SMG7: variants seen among roughly 807,000 people sequenced by gnomAD.
The protein encoded by SMG7 is nonsense-mediated mRNA decay factor SMG7.
Under a neutral mutation model 148.2 loss-of-function variants are expected in SMG7, and 34 were observed. The ratio of observed to expected loss-of-function variants is 0.23; its 90% CI spans 0.17 to 0.31. The LOEUF (loss-of-function observed/expected upper bound fraction) is 0.31. SMG7 is among the 10% of genes least tolerant of loss of function. The probability of loss-of-function intolerance (pLI) is 1.00; values close to 1 mark genes in which losing one functional copy is unlikely to be tolerated. For missense variants in SMG7, 1,114 were observed against 1,408.4 expected, an observed-to-expected ratio of 0.79 and a Z score of 3.35; for synonymous variants, 492 against 515.1, an observed-to-expected ratio of 0.96 and a Z score of 0.61.
At chr1:183,530,204 A>T (rs1666615993) in intron 8 of SMG7, among the ~76,000 whole-genome samples, 1 of 152,150 alleles carries the variant, frequency 6.6e-6, no homozygotes, top group Non-Finnish European at 1.5e-5. Flanking sequence ...TGACAATTTC[A>T]AAGAACATTT....
intron 8 of SMG7, among the ~76,000 whole-genome samples, chr1:183,532,773 T>C (rs1341278066): frequency 6.6e-6 from 1 of 152,220 alleles, no homozygotes; most frequent in Non-Finnish European, 1.5e-5. Context: ...TGTTGCTTTC[T>C]AGTCATTTGT....
chr1:183,545,075 G>A lies in SMG7; in HGVS notation c.2133G>A (p.Gly711=). The part of the protein sequence containing the change: ...HSPAGNQVQA[G]KQSHIPYSQQ... ...CAGCAGGAAACCAGGTGCAAGCTGG[G>A]AAACAGTCCCACATTCCTTACAGCC... The change falls in exon 16 of 23, where the codon GGG becomes GGA. Residue 711 remains glycine, a synonymous_variant. Coordinates refer to ENST00000688051, the MANE Select transcript of SMG7 (RefSeq NM_001375584.1). 6.2e-7 allele frequency: 1 copy of A among 1,614,060 alleles called. No homozygotes were observed. Among genetic ancestry groups the A allele is most frequent in the Non-Finnish European group, 8.5e-7 (1 of 1,179,992 alleles).
intron 1 of SMG7, among the ~76,000 whole-genome samples, chr1:183,483,352 A>G (rs997928069): frequency 1.3e-5 from 2 of 152,140 alleles, no homozygotes; most frequent in Non-Finnish European, 2.9e-5. Context: ...TTACTTTTGT[A>G]TCAGGTGATC....
chr1:183,551,821 A>C lies in SMG7; in HGVS notation c.3454A>C (p.Ile1152Leu), dbSNP rs779569969. 1.9e-6 allele frequency: 3 copies of C among 1,608,576 alleles called. No individual in the cohort carries two copies. Among genetic ancestry groups the C allele is most frequent in the South Asian group, 1.1e-5 (1 of 90,348 alleles). The change falls in exon 23 of 23, where the codon ATC (isoleucine) becomes CTC (leucine). Residue 1152 changes from isoleucine (I) to leucine (L), a missense_variant. Physicochemically the swap from Ile to Leu is conservative, Grantham distance 5. This residue lies in a region of SMG7 where 788 missense variants were observed against 894.5 expected (regional missense o/e 0.88). Transcript: ENST00000688051. ...CAAGATCTGGACTGTTTTTCAGTCT[A>C]TCTGGTCCAGTTCCATGATGCATCC... ...SAVLMESLKS[I>L]WSSSMMHPGP...
chr1:183,535,473 G>C (rs1465044618), intron 10 of SMG7, among the ~76,000 whole-genome samples: 1 of 152,120 alleles, frequency 6.6e-6, no homozygotes, highest in Non-Finnish European at 1.5e-5. Flanking sequence ...TCATTTTAAA[G>C]ACTAGCATGG....
In SMG7 at chr1:183,544,628, A is replaced by G. The variant is rs187438105; in HGVS notation, c.1987+131A>G. On this transcript the variant is annotated intron_variant, in intron 15 of 22. Transcript: ENST00000688051. ...AAAAGTTCTATTTTCCCTAATACTT[A>G]TAAAATTATTTTTGAACTGTTTGTG... The G allele has an allele frequency of 3.0e-5, 29 of 975,006 alleles. No homozygotes were observed. In the East Asian group the frequency reaches 4.6e-4, roughly 16 times the overall value. The allele number at this position is 975,006 out of a possible 1,614,324, so 60.4% of individuals were successfully genotyped here.
In SMG7 at chr1:183,551,563, C is replaced by T. The variant is rs528834155; in HGVS notation, c.3451-255C>T. ...TTATAGTAAATGCCCTGTGTGGTAC[C>T]ACATACAGCTGAGTTTCAGTAAAAA... On this transcript the variant is annotated intron_variant, in intron 22 of 22. Coordinates refer to ENST00000688051, the MANE Select transcript of SMG7 (RefSeq NM_001375584.1). Among the ~76,000 whole-genome samples, 15 of 152,222 alleles carry T rather than the reference C, an allele frequency of 9.9e-5. No homozygotes were observed. The East Asian group carries it at 2.9e-3, about 29-fold the overall frequency.
At chr1:183,540,330 C>A (rs1668591415) in intron 12 of SMG7, among the ~76,000 whole-genome samples, 1 of 151,860 alleles carries the variant, frequency 6.6e-6, no homozygotes, top group Admixed American at 6.6e-5. Context: ...CAGATTGAAT[C>A]ATAATTATTT....
chr1:183,531,186 A>G (rs1427597499), intron 8 of SMG7, among the ~76,000 whole-genome samples: 1 of 152,126 alleles, frequency 6.6e-6, no homozygotes, highest in Non-Finnish European at 1.5e-5. Flanking sequence ...GCATATGTAG[A>G]TAATTAGTAT....
In SMG7 at chr1:183,552,178, T is replaced by A; in HGVS notation, c.*247T>A. ...GAGGGAGAGAGAGAGGAACTGCTGT[T>A]TATCTCACTCAGTTACTTGGTATCA... On this transcript the variant is annotated 3_prime_UTR_variant, in exon 23 of 23. Coordinates refer to ENST00000688051, the MANE Select transcript of SMG7 (RefSeq NM_001375584.1). The A allele has an allele frequency of 8.7e-7, 1 of 1,153,380 alleles. No individual in the cohort carries two copies. Among genetic ancestry groups the A allele is most frequent in the Non-Finnish European group, 1.1e-6 (1 of 933,830 alleles). 71.4% of individuals were successfully genotyped at this position (1,153,380 alleles called of 1,614,324 possible). A position where few individuals can be genotyped will look rare whatever the true frequency, so the allele number is the denominator to read the frequency against.
At chr1:183,550,084 A>T (rs1670716136) in intron 20 of SMG7, 161 bp downstream of exon 20, 1 of 610,750 alleles carries the variant, frequency 1.6e-6, no homozygotes, top group African/African-American at 1.9e-5. Context: ...GAAAAAAAAA[A>T]AGAAGAAGCC....
Position 183,545,020 on chromosome 1 carries a change from G to A in SMG7, c.2078G>A (p.Gly693Glu), listed in dbSNP as rs1446656364. 6.2e-7 allele frequency: 1 copy of A among 1,613,888 alleles called. No homozygotes were observed. Among genetic ancestry groups the A allele is most frequent in the Admixed American group, 1.7e-5 (1 of 59,988 alleles). The change falls in exon 16 of 23, where the codon GGA (glycine) becomes GAA (glutamate). Residue 693 changes from glycine (G) to glutamate (E), a missense_variant. Gly to Glu is a moderately conservative substitution (Grantham distance 98). Coordinates refer to ENST00000688051, the MANE Select transcript of SMG7 (RefSeq NM_001375584.1). ...TTCCCAGCTGGTGTTTCTGTCCCAG[G>A]AACCTTTCTTCAGCCTACAGCTCAC... ...YTFPAGVSVP[G>E]TFLQPTAHSP...
intron 12 of SMG7, among the ~76,000 whole-genome samples, chr1:183,540,306 CTTA>C (rs1166897839): frequency 2.0e-5 from 3 of 151,936 alleles, no homozygotes; most frequent in African/African-American, 7.3e-5. Flanking sequence ...TTACATAGTT[CTTA>C]TTATGCTTAT....
intron 1 of SMG7, among the ~76,000 whole-genome samples, chr1:183,497,535 G>A (rs181544276): frequency 2.8e-4 from 43 of 152,160 alleles, no homozygotes; most frequent in Admixed American, 1.8e-3. Context: ...TATATAATCT[G>A]CATCTGGTTT....
chr1:183,501,701 A>G (rs1342111403), intron 1 of SMG7, among the ~76,000 whole-genome samples: 1 of 152,178 alleles, frequency 6.6e-6, no homozygotes, highest in African/African-American at 2.4e-5. Flanking sequence ...GGCAGGGACC[A>G]TATCCATTTT....
chr1:183,489,077 C>T (rs1454495727), intron 1 of SMG7, among the ~76,000 whole-genome samples: 1 of 151,692 alleles, frequency 6.6e-6, no homozygotes, highest in Non-Finnish European at 1.5e-5. Context: ...ATGTTTTCAC[C>T]GACAGAATCC....
intron 1 of SMG7, chr1:183,508,066 A>G (rs1661318424): frequency 2.0e-6 from 1 of 502,234 alleles, no homozygotes; most frequent in Admixed American, 6.4e-5. Context: ...TCATGTTGCC[A>G]TACCCTCTAC....
chr1:183,518,266 G>A (rs1664020975), intron 4 of SMG7, among the ~76,000 whole-genome samples: 1 of 151,660 alleles, frequency 6.6e-6, no homozygotes, highest in South Asian at 2.1e-4. Context: ...CAATGCAAAT[G>A]TCCATAAGAC....
chr1:183,537,791 G>T (rs1668059824), intron 11 of SMG7, among the ~76,000 whole-genome samples: 8 of 152,126 alleles, frequency 5.3e-5, no homozygotes, highest in Admixed American at 5.2e-4. Flanking sequence ...CCATCCTATG[G>T]AAGTGCTATA....
Sources: gnomAD v4.1 joint callset for allele counts (sites outside exome capture counted in the v4.1 genomes callset) on GRCh38, gnomAD v4.1.1 for gene constraint, gnomAD v4.1.1 regional missense constraint, MANE v1.5 for transcripts, NCBI Gene and HGNC (gene_info 2026-07-23, HGNC 2026-07-21) for gene names.